ZNF786: variants seen among roughly 807,000 people sequenced by gnomAD.
The protein encoded by ZNF786 is zinc finger protein 786.
In ZNF786, 56 loss-of-function variants were observed where a neutral mutation model predicts 63.1. That is an observed-to-expected ratio of 0.89 (90% CI 0.72 to 1.11). ZNF786 has a LOEUF of 1.11. Among genes scored for constraint, ZNF786 ranks in the 50% least tolerant of loss-of-function variants. The pLI, the probability that ZNF786 is intolerant of heterozygous loss-of-function variation, is 0.00. For missense variants in ZNF786, 1,213 were observed against 1,041.8 expected, an observed-to-expected ratio of 1.16 and a Z score of -2.26; for synonymous variants, 485 against 406.9, an observed-to-expected ratio of 1.19 and a Z score of -2.31.
intron 2 of ZNF786, 48 bp downstream of exon 2, chr7:149,080,543 T>C (rs754025086): frequency 6.7e-7 from 1 of 1,493,794 alleles, no homozygotes; most frequent in South Asian, 1.4e-5. Flanking sequence ...TGTGACCCCT[T>C]ACAGGATCCA....
chr7:149,078,637 T>C (rs1314574333), intron 2 of ZNF786, among the ~76,000 whole-genome samples: 1 of 151,826 alleles, frequency 6.6e-6, no homozygotes, highest in African/African-American at 2.4e-5. Flanking sequence ...TGAGCCGACA[T>C]GGTGCCATTG....
In ZNF786 at chr7:149,071,944, G is replaced by C. The variant is rs1392962936; in HGVS notation, c.828C>G (p.Cys276Trp). The C allele has an allele frequency of 6.2e-7, 1 of 1,610,864 alleles. No homozygotes were observed. Among genetic ancestry groups the C allele is most frequent in the African/African-American group, 1.3e-5 (1 of 74,916 alleles). ...GPFRNADGEMCFRHELTHPSH... is the reference protein window; with the variant it reads ...GPFRNADGEMWFRHELTHPSH... ...TGGGATGGGTCAGCTCGTGTCGGAA[G>C]CACATTTCACCGTCAGCGTTCCGGA... Residue 276 changes from cysteine to tryptophan, a missense_variant, in exon 4 of 4, where the codon TGC becomes TGG. Transcript: ENST00000491431.
intron 2 of ZNF786, among the ~76,000 whole-genome samples, chr7:149,079,264 C>T (rs1394097212): frequency 2.0e-5 from 3 of 151,906 alleles, no homozygotes; most frequent in Admixed American, 1.3e-4. Context: ...AAAAAATTAG[C>T]CGGGTGCAGT....
intron 2 of ZNF786, among the ~76,000 whole-genome samples, chr7:149,077,865 G>C (rs1825585227): frequency 6.8e-6 from 1 of 146,620 alleles, no homozygotes; most frequent in African/African-American, 2.6e-5. Context: ...GCATAATTTT[G>C]TCTTTTTTTT....
At position 149,071,579 on chromosome 7, in the gene ZNF786, T is replaced by G; in HGVS notation, c.1193A>C (p.Gln398Pro). Residue 398 changes from glutamine (Q) to proline (P), a missense_variant, in exon 4 of 4, where the codon CAG becomes CCG. By Grantham distance (76) the Gln-to-Pro change is moderately conservative (BLOSUM62 -1). Transcript: ENST00000491431. Reference protein sequence around the residue: ...CRAHTGEKPFQCAHCTKRFRL... With the variant: ...CRAHTGEKPFPCAHCTKRFRL... ...GAAGCGCTTGGTGCAATGCGCACACTGGAAGGGCTTTTCTCCAGTATGCGC... is the reference window on the plus strand; with the variant it reads ...GAAGCGCTTGGTGCAATGCGCACACGGGAAGGGCTTTTCTCCAGTATGCGC... The G allele has an allele frequency of 6.2e-7, 1 of 1,610,986 alleles. No individual in the cohort carries two copies. The highest frequency in any genetic ancestry group is 8.5e-7 in the Non-Finnish European group (1 of 1,179,204).
intron 2 of ZNF786, among the ~76,000 whole-genome samples, chr7:149,076,739 C>G (rs982787559): frequency 7.3e-6 from 1 of 137,790 alleles, no homozygotes; most frequent in Non-Finnish European, 1.6e-5. Flanking sequence ...AAAAAAAAAA[C>G]TACATAGACC....
chr7:149,090,603 A>G lies in ZNF786; in HGVS notation c.18+20T>C. 1 of 1,572,930 alleles carries G rather than the reference A, an allele frequency of 6.4e-7. No individual in the cohort carries two copies. Among genetic ancestry groups the G allele is most frequent in the Non-Finnish European group, 8.7e-7 (1 of 1,154,828 alleles). ...ACCACGACCCCGAAACCGGGCGTCCAAACAGGCTAGCCCGCTTACCCGAGG... is the reference window on the plus strand; with the variant it reads ...ACCACGACCCCGAAACCGGGCGTCCGAACAGGCTAGCCCGCTTACCCGAGG... On this transcript the variant is annotated intron_variant, in intron 1 of 3. Transcript: ENST00000491431.
chr7:149,076,696 G>T (rs1825556645), intron 2 of ZNF786, among the ~76,000 whole-genome samples: 1 of 145,210 alleles, frequency 6.9e-6, no homozygotes, highest in Non-Finnish European at 1.5e-5. Flanking sequence ...TCCAGCCTGG[G>T]CAAGAGAGAG....
At chr7:149,083,482 T>C (rs1356874032) in intron 1 of ZNF786, among the ~76,000 whole-genome samples, 1 of 152,188 alleles carries the variant, frequency 6.6e-6, no homozygotes, top group Non-Finnish European at 1.5e-5. Context: ...CTCCCAGTGC[T>C]AGGATTACAG....
rs1165713050 is a variant in ZNF786 at position 149,075,655 on chromosome 7, GTTTTTTTTTTTTTT to G, written c.146-1131_146-1118del. Among the ~76,000 whole-genome samples the G allele has an allele frequency of 1.7e-4, 12 of 69,466 alleles. 1 individual carries two copies. Among genetic ancestry groups the G allele is most frequent in the Admixed American group, 5.2e-4 (2 of 3,866 alleles). 45.6% of individuals were successfully genotyped at this position (69,466 alleles called of 152,430 possible). ...ATCCTACTGTGCTGACACACTTCAGGTTTTTTTTTTTTTTTTTTTTTTTTTTTTGATAGAGTCTC... is the reference window on the plus strand; with the variant it reads ...ATCCTACTGTGCTGACACACTTCAGGTTTTTTTTTTTTTTGATAGAGTCTC... On this transcript the variant is annotated intron_variant, in intron 2 of 3. Coordinates refer to ENST00000491431, the MANE Select transcript of ZNF786 (RefSeq NM_152411.4).
At chr7:149,078,947 G>A (rs980771326) in intron 2 of ZNF786, among the ~76,000 whole-genome samples, 2 of 152,088 alleles carry the variant, frequency 1.3e-5, no homozygotes, top group Non-Finnish European at 2.9e-5. Context: ...GATAGAAGAG[G>A]GATTGTATAA....
At chr7:149,074,661 C>G in intron 2 of ZNF786, 123 bp from the exon 3 acceptor site, 1 of 1,048,982 alleles carries the variant, frequency 9.5e-7, no homozygotes, top group South Asian at 1.8e-5. Context: ...AAAAAAAAAA[C>G]AGGTTTACAC....
chr7:149,071,511 C>A lies in ZNF786; in HGVS notation c.1261G>T (p.Gly421Trp). The A allele has an allele frequency of 1.9e-6, 3 of 1,611,892 alleles. No homozygotes were observed. In the East Asian group the frequency reaches 6.7e-5, roughly 36 times the overall value. Residue 421 changes from glycine to tryptophan, a missense_variant, in exon 4 of 4, where the codon GGG becomes TGG. Gly to Trp is a radical substitution (Grantham distance 184). Transcript: ENST00000491431. ...LLQVHQHAHG[G>W]ERPFSCRKCG... is the part of the protein sequence containing the mutation. ...TTCCTGCAGGAGAACGGTCTCTCCCCACCGTGCGCGTGCTGGTGGACCTGC... is the reference window on the plus strand; with the variant it reads ...TTCCTGCAGGAGAACGGTCTCTCCCAACCGTGCGCGTGCTGGTGGACCTGC...
chr7:149,090,672 C>A lies in ZNF786; in HGVS notation c.-32G>T, dbSNP rs1375857745. The A allele has an allele frequency of 6.3e-7, 1 of 1,576,298 alleles. No individual in the cohort carries two copies. ...CGCGGTCCCGCCCGGCCCTGGCAAACCCGACCGTCTCCGGCGGCTCCGCAG... is the reference window on the plus strand; with the variant it reads ...CGCGGTCCCGCCCGGCCCTGGCAAAACCGACCGTCTCCGGCGGCTCCGCAG... On this transcript the variant is annotated 5_prime_UTR_variant, in exon 1 of 4. Coordinates refer to ENST00000491431, the MANE Select transcript of ZNF786 (RefSeq NM_152411.4).
In ZNF786 at chr7:149,074,502, A is replaced by G. The variant is rs1010358292; in HGVS notation, c.182T>C (p.Ile61Thr). The change falls in exon 3 of 4, where the codon ATT (isoleucine) becomes ACT (threonine). Residue 61 changes from isoleucine to threonine, a missense_variant. Physicochemically the swap from Ile to Thr is moderately conservative, Grantham distance 89. Coordinates refer to ENST00000491431, the MANE Select transcript of ZNF786 (RefSeq NM_152411.4). Reference sequence around the variant, plus strand: ...CCTGAAGGGCTCTCCCCCGTGTTCAATCCAGGATATTAGTTCTGGTTTTGG... The same window carrying G: ...CCTGAAGGGCTCTCCCCCGTGTTCAGTCCAGGATATTAGTTCTGGTTTTGG... ...GLPKPELISWIEHGGEPFRKW... is the reference protein window; with the variant it reads ...GLPKPELISWTEHGGEPFRKW... 1 of 1,613,804 alleles carries G rather than the reference A, an allele frequency of 6.2e-7. No individual in the cohort carries two copies. Among genetic ancestry groups the G allele is most frequent in the African/African-American group, 1.3e-5 (1 of 74,926 alleles).
rs1360239384 is a variant in ZNF786, at chr7:149,071,333, G to A, written c.1439C>T (p.Pro480Leu). ...CAGCCCACACTCTGGGCACTGAAAG[G>A]GCTTCTCGTCCGTGTGCAGCCGCTG... The part of the protein sequence containing the change: ...RHQRLHTDEK[P>L]FQCPECGLSF... The change falls in exon 4 of 4, where the codon CCC (proline) becomes CTC (leucine). Residue 480 changes from proline to leucine, a missense_variant. Transcript: ENST00000491431. 1.2e-6 allele frequency: 2 copies of A among 1,613,396 alleles called. No individual in the cohort carries two copies. The highest frequency in any genetic ancestry group is 1.3e-5 in the African/African-American group (1 of 75,036).
intron 1 of ZNF786, among the ~76,000 whole-genome samples, chr7:149,086,955 G>A (rs1367779088): frequency 6.6e-6 from 1 of 151,488 alleles, no homozygotes. Context: ...AAGCAATTCT[G>A]TCTTGGCCTC....
At chr7:149,075,044 G>A (rs1375097933) in intron 2 of ZNF786, among the ~76,000 whole-genome samples, 2 of 151,646 alleles carry the variant, frequency 1.3e-5, no homozygotes, top group Non-Finnish European at 2.9e-5. Flanking sequence ...GCCCAGGCTG[G>A]TTTCAAATTC....
At chr7:149,086,097 G>A (rs995098443) in intron 1 of ZNF786, among the ~76,000 whole-genome samples, 3 of 152,122 alleles carry the variant, frequency 2.0e-5, no homozygotes, top group African/African-American at 4.8e-5. Flanking sequence ...ACACTGCTCT[G>A]GCTAGGACTT....
Sources: gnomAD v4.1 joint callset for allele counts (sites outside exome capture counted in the v4.1 genomes callset) on GRCh38, gnomAD v4.1.1 for gene constraint, MANE v1.5 for transcripts, NCBI Gene and HGNC (gene_info 2026-07-23, HGNC 2026-07-21) for gene names.